The following OXR1 variants were observed in gnomAD, a reference collection of about 807,000 sequenced individuals.
OXR1 encodes oxidation resistance protein 1.
OXR1 carries 41 observed loss-of-function variants against 104.6 expected under a neutral mutation model. The ratio of observed to expected loss-of-function variants is 0.39; its 90% CI spans 0.31 to 0.51. The LOEUF is 0.51. OXR1 is among the 20% of genes least tolerant of loss of function. The probability of loss-of-function intolerance (pLI) is 0.77; values close to 1 mark genes in which losing one functional copy is unlikely to be tolerated. For missense variants in OXR1, 955 were observed against 1,031.9 expected, an observed-to-expected ratio of 0.93 and a Z score of 1.02; for synonymous variants, 348 against 348.4, an observed-to-expected ratio of 1.00 and a Z score of 0.01.
chr8:106,283,999 G>A (rs1236195184), intron 1 of OXR1, among the ~76,000 whole-genome samples: 2 of 151,948 alleles, frequency 1.3e-5, no homozygotes, highest in Non-Finnish European at 2.9e-5. Context: ...CCTTTGACCA[G>A]CCTCTTCCCA....
chr8:106,509,889 G>C (rs1812410408), intron 2 of OXR1, among the ~76,000 whole-genome samples: 2 of 152,070 alleles, frequency 1.3e-5, no homozygotes. Context: ...TCCTTCCTTA[G>C]CCTCCCTGAG....
intron 1 of OXR1, among the ~76,000 whole-genome samples, chr8:106,322,348 C>A (rs1814260504): frequency 6.6e-6 from 1 of 152,054 alleles, no homozygotes; most frequent in South Asian, 2.1e-4. Context: ...AATTCAACAC[C>A]CCTTCATGTT....
chr8:106,489,098 C>G (rs1051684848), intron 2 of OXR1, among the ~76,000 whole-genome samples: 6 of 149,452 alleles, frequency 4.0e-5, no homozygotes, highest in East Asian at 2.0e-4. Context: ...CTTTTATTTC[C>G]TTGAGCAGTG....
intron 1 of OXR1, among the ~76,000 whole-genome samples, chr8:106,296,089 G>A (rs1184252015): frequency 1.3e-5 from 2 of 152,152 alleles, no homozygotes; most frequent in Non-Finnish European, 2.9e-5. Flanking sequence ...AACTATCTCA[G>A]CACTTTTCAA....
chr8:106,335,103 C>T (rs905179816), intron 1 of OXR1, among the ~76,000 whole-genome samples: 3 of 149,032 alleles, frequency 2.0e-5, no homozygotes, highest in Admixed American at 6.7e-5. Flanking sequence ...CACAAACATG[C>T]CATTCTCTCT....
intron 2 of OXR1, among the ~76,000 whole-genome samples, chr8:106,408,545 T>G (rs1026640351): frequency 4.6e-5 from 7 of 152,346 alleles, no homozygotes; most frequent in Admixed American, 2.0e-4. Flanking sequence ...CAAAATAGAA[T>G]TATTGGCTTC....
intron 1 of OXR1, among the ~76,000 whole-genome samples, chr8:106,311,456 G>A (rs1360703240): frequency 6.6e-6 from 1 of 152,000 alleles, no homozygotes; most frequent in Non-Finnish European, 1.5e-5. Context: ...ACTTTATTTG[G>A]TATATTTAGT....
chr8:106,327,163 G>C (rs562447466), intron 1 of OXR1, among the ~76,000 whole-genome samples: 1 of 152,018 alleles, frequency 6.6e-6, no homozygotes, highest in South Asian at 2.1e-4. Flanking sequence ...ACCTCCAATG[G>C]TTAGCTCATT....
At chr8:106,280,782 TGAA>T (rs1350442461) in intron 1 of OXR1, among the ~76,000 whole-genome samples, 7 of 152,074 alleles carry the variant, frequency 4.6e-5, no homozygotes, top group Admixed American at 3.3e-4. Context: ...ATGTAAAAAG[TGAA>T]GAAGAAGAAA....
intron 1 of OXR1, among the ~76,000 whole-genome samples, chr8:106,347,283 C>T (rs766383250): frequency 3.9e-5 from 6 of 152,122 alleles, no homozygotes; most frequent in Non-Finnish European, 8.8e-5. Context: ...TTTTGTGATC[C>T]GTATTTGTGA....
intron 1 of OXR1, among the ~76,000 whole-genome samples, chr8:106,283,370 G>T (rs924257662): frequency 6.6e-6 from 1 of 152,176 alleles, no homozygotes; most frequent in Non-Finnish European, 1.5e-5. Context: ...GAGAGAGGCA[G>T]CTCTGAATCT....
chr8:106,437,069 A>T (rs1819609967), intron 2 of OXR1, among the ~76,000 whole-genome samples: 3 of 152,190 alleles, frequency 2.0e-5, no homozygotes, highest in African/African-American at 4.8e-5. Context: ...TCAGATCCAG[A>T]TTCATAAGGC....
chr8:106,682,186 T>C (rs532970914), intron 4 of OXR1, among the ~76,000 whole-genome samples: 1 of 152,260 alleles, frequency 6.6e-6, no homozygotes, highest in East Asian at 1.9e-4. Flanking sequence ...TTTTCTATCT[T>C]AGTTTCCAAC....
In OXR1 at chr8:106,431,606, G is replaced by A. The variant is rs527775592; in HGVS notation, c.23+71970G>A. Reference sequence around the variant, plus strand: ...CATTATGTTACGTATCTATTCGTTCGTCTGTCTTCTTTCTCTCCCAGGATA... The same window carrying A: ...CATTATGTTACGTATCTATTCGTTCATCTGTCTTCTTTCTCTCCCAGGATA... On this transcript the variant is annotated intron_variant, in intron 2 of 16. Transcript: ENST00000517566. Among the ~76,000 whole-genome samples, 5 of 152,122 alleles carry A rather than the reference G, an allele frequency of 3.3e-5. No homozygotes were observed. The South Asian group carries it at 6.2e-4, about 19-fold the overall frequency.
At chr8:106,518,344 G>A (rs1222332770) in intron 2 of OXR1, among the ~76,000 whole-genome samples, 2 of 152,180 alleles carry the variant, frequency 1.3e-5, no homozygotes, top group Non-Finnish European at 2.9e-5. Context: ...TATGCCAAAG[G>A]AAATATGCAT....
intron 3 of OXR1, among the ~76,000 whole-genome samples, chr8:106,546,318 T>A (rs993097760): frequency 2.6e-5 from 4 of 152,232 alleles, no homozygotes; most frequent in African/African-American, 9.6e-5. Context: ...GTGCTCACTT[T>A]GGGGAGACTT....
At chr8:106,625,992 G>T (rs951014389) in intron 3 of OXR1, among the ~76,000 whole-genome samples, 1 of 150,446 alleles carries the variant, frequency 6.6e-6, no homozygotes, top group Admixed American at 6.6e-5. Flanking sequence ...ATAATTTTTA[G>T]AATTAAAAAA....
At chr8:106,719,457 A>G (rs1468279891) in intron 11 of OXR1, among the ~76,000 whole-genome samples, 1 of 152,234 alleles carries the variant, frequency 6.6e-6, no homozygotes, top group African/African-American at 2.4e-5. Context: ...TTCAAATGTC[A>G]TAAAAATATT....
intron 16 of OXR1, among the ~76,000 whole-genome samples, chr8:106,749,434 C>A (rs1835690429): frequency 6.6e-6 from 1 of 151,860 alleles, no homozygotes; most frequent in Non-Finnish European, 1.5e-5. Flanking sequence ...GCCTGAAGGT[C>A]AGAGGTTATA....
Sources: gnomAD v4.1 joint callset for allele counts (sites outside exome capture counted in the v4.1 genomes callset) on GRCh38, gnomAD v4.1.1 for gene constraint, MANE v1.5 for transcripts, NCBI Gene and HGNC (gene_info 2026-07-23, HGNC 2026-07-21) for gene names.